Variants in DENND4C observed in about 807,000 individuals in gnomAD.
The protein encoded by DENND4C is DENN domain-containing protein 4C.
Under a neutral mutation model 203.0 loss-of-function variants are expected in DENND4C, and 108 were observed. That is an observed-to-expected ratio of 0.53 (90% CI 0.46 to 0.62). The LOEUF (loss-of-function observed/expected upper bound fraction) is 0.62, where lower values mean the gene tolerates loss of function less well. DENND4C is among the 20% of genes least tolerant of loss of function. The pLI is 0.00. For missense variants in DENND4C, 2,481 were observed against 2,301.2 expected (o/e 1.08, Z -1.60); for synonymous variants, 871 against 792.4 (o/e 1.10, Z -1.67).
At chr9:19,277,252 A>G (rs1833062669) in intron 2 of DENND4C, among the ~76,000 whole-genome samples, 1 of 152,130 alleles carries the variant, frequency 6.6e-6, no homozygotes, top group African/African-American at 2.4e-5. Flanking sequence ...TTTGATAGAG[A>G]TTACATTAAC....
intron 17 of DENND4C, among the ~76,000 whole-genome samples, chr9:19,332,765 AT>A (rs35052178): frequency 2.7e-3 from 302 of 110,456 alleles, no homozygotes; most frequent in African/African-American, 4.8e-3. Flanking sequence ...TCTGTTTTTG[AT>A]TTTTTTTTTT....
intron 2 of DENND4C, among the ~76,000 whole-genome samples, chr9:19,279,925 T>G (rs1588829153): frequency 6.6e-6 from 1 of 152,168 alleles, no homozygotes; most frequent in East Asian, 1.9e-4. Flanking sequence ...ATTCAAGGGT[T>G]GTTTTTTAAC....
intron 1 of DENND4C, among the ~76,000 whole-genome samples, chr9:19,245,507 T>G (rs1037035927): frequency 1.3e-5 from 2 of 148,964 alleles, no homozygotes; most frequent in African/African-American, 4.9e-5. Context: ...CAATGTATAG[T>G]CAGGACGGAG....
intron 1 of DENND4C, among the ~76,000 whole-genome samples, chr9:19,265,253 G>A (rs1209904338): frequency 3.3e-5 from 5 of 152,052 alleles, no homozygotes; most frequent in Non-Finnish European, 5.9e-5. Context: ...TGGGGCTCAA[G>A]CAGTCTGTCC....
chr9:19,244,413 A>G (rs1824588431), intron 1 of DENND4C, among the ~76,000 whole-genome samples: 2 of 151,702 alleles, frequency 1.3e-5, no homozygotes, highest in East Asian at 1.9e-4. Flanking sequence ...TTATCTTCAC[A>G]TTGGCTGATT....
chr9:19,350,499 C>T (rs1823848954), intron 23 of DENND4C, among the ~76,000 whole-genome samples: 1 of 152,052 alleles, frequency 6.6e-6, no homozygotes. Flanking sequence ...CACGATCTTT[C>T]TTAAAGTATT....
At chr9:19,353,693 G>A (rs1447708082) in intron 26 of DENND4C, among the ~76,000 whole-genome samples, 1 of 151,990 alleles carries the variant, frequency 6.6e-6, no homozygotes, top group Non-Finnish European at 1.5e-5. Flanking sequence ...AGTACTTTGG[G>A]AGGCCGAGGC....
intron 29 of DENND4C, among the ~76,000 whole-genome samples, chr9:19,360,837 T>C (rs925128162): frequency 6.6e-6 from 1 of 152,182 alleles, no homozygotes; most frequent in African/African-American, 2.4e-5. Context: ...TTGTAGATAA[T>C]ATTTCTACAT....
chr9:19,332,727 G>A (rs955150959), intron 17 of DENND4C, among the ~76,000 whole-genome samples: 4 of 147,574 alleles, frequency 2.7e-5, no homozygotes, highest in African/African-American at 7.5e-5. Flanking sequence ...GTGCGGTTGT[G>A]TGATCATGGC....
chr9:19,292,500 A>G (rs188571054), intron 5 of DENND4C: 2 of 152,178 alleles, frequency 1.3e-5, no homozygotes, highest in African/African-American at 4.8e-5. Context: ...TATTCAGTAT[A>G]AAAAGCTGAT....
In DENND4C at chr9:19,296,259, A is replaced by T. The variant is rs139831582; in HGVS notation, c.1040+13A>T. On this transcript the variant is annotated intron_variant, in intron 6 of 32. Transcript: ENST00000434457. ...TTCCCATTGAAAAGTATGTATAATGATTAGAAAGATGGCTGGTGGAAAACT... is the reference window on the plus strand; with the variant it reads ...TTCCCATTGAAAAGTATGTATAATGTTTAGAAAGATGGCTGGTGGAAAACT... 6.6e-7 allele frequency: 1 copy of T among 1,525,094 alleles called. No individual in the cohort carries two copies. Among genetic ancestry groups the T allele is most frequent in the South Asian group, 1.2e-5 (1 of 85,340 alleles). 94.5% of individuals were successfully genotyped at this position (1,525,094 alleles called of 1,614,324 possible).
chr9:19,332,698 C>A (rs1819505545), intron 17 of DENND4C, among the ~76,000 whole-genome samples: 1 of 151,168 alleles, frequency 6.6e-6, no homozygotes, highest in Non-Finnish European at 1.5e-5. Flanking sequence ...AGTCTCACTC[C>A]TCTCTCGCCC....
At chr9:19,255,346 A>G (rs1827679429) in intron 1 of DENND4C, among the ~76,000 whole-genome samples, 1 of 152,078 alleles carries the variant, frequency 6.6e-6, no homozygotes. Flanking sequence ...TTGAGGCTGA[A>G]GTGAGCTATG....
intron 1 of DENND4C, among the ~76,000 whole-genome samples, chr9:19,231,783 T>G (rs748890672): frequency 4.6e-5 from 7 of 151,726 alleles, no homozygotes; most frequent in Non-Finnish European, 4.4e-5. Context: ...CGAGATACTG[T>G]CAAGCGTTGT....
chr9:19,265,891 G>T (rs2130741607), intron 1 of DENND4C, among the ~76,000 whole-genome samples: 1 of 152,274 alleles, frequency 6.6e-6, no homozygotes, highest in South Asian at 2.1e-4. Flanking sequence ...CTTTACTATT[G>T]TGAATAGTGC....
At chr9:19,239,629 A>G (rs1823180842) in intron 1 of DENND4C, among the ~76,000 whole-genome samples, 1 of 151,980 alleles carries the variant, frequency 6.6e-6, no homozygotes, top group Admixed American at 6.6e-5. Flanking sequence ...TGGGATTACA[A>G]GCGCACACCA....
rs988514950 is a variant in DENND4C, at chr9:19,254,053, G to T, written c.-17-22105G>T. ...ATATCTAAGTTGATTTTTACAAGTC[G>T]TTTTATTTTTTCTTCAAAAGCTTTT... On this transcript the variant is annotated intron_variant, in intron 1 of 32. Transcript: ENST00000434457. 5.3e-5 allele frequency among the ~76,000 whole-genome samples: 8 copies of T among 152,094 alleles called. 1 individual carries two copies.
At chr9:19,238,854 T>C (rs1822966464) in intron 1 of DENND4C, among the ~76,000 whole-genome samples, 1 of 150,768 alleles carries the variant, frequency 6.6e-6, no homozygotes, top group South Asian at 2.1e-4. Context: ...GGTTTCACTA[T>C]GTTGGTCAGG....
intron 25 of DENND4C, 62 bp downstream of exon 25, chr9:19,352,244 G>T: frequency 6.9e-7 from 1 of 1,450,618 alleles, no homozygotes; most frequent in Non-Finnish European, 9.6e-7. Flanking sequence ...TTTCAGAATG[G>T]CATTTAACAG....
Sources: gnomAD v4.1 joint callset for allele counts (sites outside exome capture counted in the v4.1 genomes callset) on GRCh38, gnomAD v4.1.1 for gene constraint, MANE v1.5 for transcripts, NCBI Gene and HGNC (gene_info 2026-07-23, HGNC 2026-07-21) for gene names.